Variants in DIDO1 observed in about 807,000 individuals in gnomAD.
DIDO1 encodes the protein death-inducer obliterator 1.
Under a neutral mutation model 99.4 loss-of-function variants are expected in DIDO1, and 16 were observed. The ratio of observed to expected loss-of-function variants is 0.16; its 90% CI spans 0.11 to 0.24. DIDO1 has a LOEUF of 0.24. DIDO1 is among the 10% of genes least tolerant of loss of function. The pLI is 1.00. For synonymous variants in DIDO1, 1,366 were observed against 1,239.1 expected, an observed-to-expected ratio of 1.10 and a Z score of -2.15; for missense variants, 2,996 against 3,014.0, an observed-to-expected ratio of 0.99 and a Z score of 0.14.
intron 1 of DIDO1, among the ~76,000 whole-genome samples, chr20:62,931,508 T>C (rs1334419523): frequency 6.6e-6 from 1 of 152,240 alleles, no homozygotes; most frequent in Non-Finnish European, 1.5e-5. Flanking sequence ...GGACAGATTC[T>C]GACAGAATAA....
At chr20:62,893,058 A>C in intron 12 of DIDO1, 96 bp from the exon 13 acceptor site, 887 of 1,322,364 alleles carry the variant, frequency 6.7e-4, no homozygotes, top group Non-Finnish European at 8.1e-4. Flanking sequence ...ACAGGATCTC[A>C]TTCTGTCATG....
At chr20:62,907,937 A>G (rs890134386) in intron 4 of DIDO1, among the ~76,000 whole-genome samples, 2 of 152,172 alleles carry the variant, frequency 1.3e-5, no homozygotes, top group Non-Finnish European at 2.9e-5. Context: ...ATAAACAATG[A>G]GTAATTTTTC....
chr20:62,893,210 G>A (rs2064436772), intron 12 of DIDO1, among the ~76,000 whole-genome samples: 1 of 152,140 alleles, frequency 6.6e-6, no homozygotes, highest in South Asian at 2.1e-4. Flanking sequence ...CTTTTTTGTA[G>A]AGATGGAGTT....
Position 62,882,354 on chromosome 20 carries a change from C to G in DIDO1, c.3602G>C (p.Arg1201Pro), listed in dbSNP as rs148435006. 1.9e-6 allele frequency: 3 copies of G among 1,613,790 alleles called. No individual in the cohort carries two copies. The African/African-American group carries it at 4.0e-5, about 22-fold the overall frequency. Residue 1201 changes from arginine to proline, a missense_variant, in exon 16 of 16, where the codon CGT (arginine) becomes CCT (proline). This residue lies in a region of DIDO1 where 135 missense variants were observed against 202.3 expected (regional missense o/e 0.67). Transcript: ENST00000395343. Reference sequence around the variant, plus strand: ...GTCTAACTCTCCACTGTTTGCGGGACGTTTGATTTTTTGGCAGATTACTAA... The same window carrying G: ...GTCTAACTCTCCACTGTTTGCGGGAGGTTTGATTTTTTGGCAGATTACTAA... ...LGLVICQKIK[R>P]PANSGELDKM...
At chr20:62,910,158 C>T in intron 3 of DIDO1, 138 bp from the exon 4 acceptor site, 1 of 995,562 alleles carries the variant, frequency 1.0e-6, no homozygotes, top group Admixed American at 2.9e-5. Flanking sequence ...CGTCCTCATG[C>T]CTTTCCTTTG....
chr20:62,906,149 CCTTCA>C (rs774046755), intron 5 of DIDO1, 49 bp from the exon 6 acceptor site: 27 of 1,570,250 alleles, frequency 1.7e-5, no homozygotes, highest in Admixed American at 3.6e-5. Flanking sequence ...AGAAATCATA[CCTTCA>C]CTTCATTTCA....
chr20:62,882,177 G>A lies in DIDO1; in HGVS notation c.3779C>T (p.Ser1260Leu). 1.2e-6 allele frequency: 2 copies of A among 1,613,278 alleles called. No homozygotes were observed. The highest frequency in any genetic ancestry group is 2.2e-5 in the South Asian group (2 of 91,084). ...TGGAAGAGGGGGCGGAGGCGGCGGCGACCCAGGAGGTGTGGTGCTGACAGC... is the reference window on the plus strand; with the variant it reads ...TGGAAGAGGGGGCGGAGGCGGCGGCAACCCAGGAGGTGTGGTGCTGACAGC... ...DAAVSTTPPG[S>L]PPPPPPLPEP... The change falls in exon 16 of 16, where the codon TCG becomes TTG. Residue 1260 changes from serine (S) to leucine (L), a missense_variant. By Grantham distance (145) the Ser-to-Leu change is moderately radical. Around this residue, in one of 5 missense-constraint regions of DIDO1, gnomAD observed 1,562 missense variants for 1,412.6 expected, o/e 1.11. Coordinates refer to ENST00000395343, the MANE Select transcript of DIDO1 (RefSeq NM_001193369.2).
intron 6 of DIDO1, among the ~76,000 whole-genome samples, chr20:62,897,411 G>A (rs866717755): frequency 2.6e-5 from 4 of 152,322 alleles, no homozygotes; most frequent in Non-Finnish European, 4.4e-5. Context: ...GAAAAAGACC[G>A]TTTAGAAGCG....
intron 6 of DIDO1, 39 bp from the exon 7 acceptor site, chr20:62,897,035 C>T (rs1218757055): frequency 6.5e-7 from 1 of 1,548,762 alleles, no homozygotes; most frequent in Non-Finnish European, 8.7e-7. Context: ...AGGGAGGACA[C>T]CACAGGGTGC....
intron 13 of DIDO1, 145 bp downstream of exon 13, chr20:62,892,664 C>T: frequency 8.5e-7 from 1 of 1,177,214 alleles, no homozygotes; most frequent in Non-Finnish European, 1.2e-6. Context: ...GCCGTTTCTG[C>T]ATCCAGACAG....
upstream of DIDO1, among the ~76,000 whole-genome samples, chr20:62,929,997 C>G (rs140699485): frequency 6.6e-6 from 1 of 151,808 alleles, no homozygotes. Flanking sequence ...TTAGGTAGGC[C>G]GAGGTGGGTG....
At chr20:62,889,036 C>T (rs1230598067) in intron 15 of DIDO1, 10 of 985,358 alleles carry the variant, frequency 1.0e-5, no homozygotes, top group Non-Finnish European at 1.2e-6. Flanking sequence ...TGTGTGTCCC[C>T]GTCAGGCGGC....
At position 62,881,600 on chromosome 20, in the gene DIDO1, C is replaced by T. The variant is rs1281265083; in HGVS notation, c.4356G>A (p.Val1452=). 7 of 1,612,074 alleles carry T rather than the reference C, an allele frequency of 4.3e-6. No individual in the cohort carries two copies. Among genetic ancestry groups the T allele is most frequent in the East Asian group, 2.2e-5 (1 of 44,892 alleles). The change falls in exon 16 of 16, where the codon GTG becomes GTA. Residue 1452 remains valine, a synonymous_variant. Coordinates refer to ENST00000395343, the MANE Select transcript of DIDO1 (RefSeq NM_001193369.2). The surrounding 1 kb of genome is among the most constrained non-coding windows in gnomAD (Gnocchi z 8.3). The stretch of plus-strand genomic sequence containing the variant: ...CAGGCCTCTCCACGGAGTTCCTTCT[C>T]ACGTCGGCACACATCCTGTTGGGCA... The part of the protein sequence containing the change: ...DDLPNRMCAD[V]RRNSVERPAE...
In DIDO1 at chr20:62,880,235, G is replaced by A. The variant is rs756571094; in HGVS notation, c.5721C>T (p.Pro1907=). ...TCTGACCTCCAAACTGAGAGGGAGG[G>A]GGGCCGCCTCGGGGGCCTTTCAGCT... ...LSQLKGPRGG[P]PPSQFGGQRG... Residue 1907 remains proline (P), a synonymous_variant, in exon 16 of 16, where the codon CCC becomes CCT. Coordinates refer to ENST00000395343, the MANE Select transcript of DIDO1 (RefSeq NM_001193369.2). The A allele has an allele frequency of 1.2e-6, 2 of 1,612,498 alleles. No homozygotes were observed. Among genetic ancestry groups the A allele is most frequent in the Non-Finnish European group, 1.7e-6 (2 of 1,179,886 alleles).
chr20:62,888,551 A>G (rs2064336750), intron 15 of DIDO1: 2 of 985,384 alleles, frequency 2.0e-6, no homozygotes, highest in Admixed American at 1.2e-4. Flanking sequence ...AGTCACCACC[A>G]TCAGCACCCT....
intron 15 of DIDO1, among the ~76,000 whole-genome samples, chr20:62,887,043 G>C (rs1245086822): frequency 1.3e-5 from 2 of 152,228 alleles, no homozygotes; most frequent in Admixed American, 6.5e-5. Context: ...GTGCCGAGAA[G>C]GGCCCCAGGG....
At position 62,896,063 on chromosome 20, in the gene DIDO1, G is replaced by A. The variant is rs2064513587; in HGVS notation, c.2214+170C>T. On this transcript the variant is annotated intron_variant, in intron 8 of 15. Coordinates refer to ENST00000395343, the MANE Select transcript of DIDO1 (RefSeq NM_001193369.2). This position sits in a 1 kb window ranked among gnomAD's most constrained non-coding sequence, Gnocchi z 4.4. ...GGCAGGGAAGGGAAGGGGTTTCCAGGACGCTCAACGCCAGTGCAACAATAC... is the reference window on the plus strand; with the variant it reads ...GGCAGGGAAGGGAAGGGGTTTCCAGAACGCTCAACGCCAGTGCAACAATAC... Among the ~76,000 whole-genome samples, 1 of 152,182 alleles carries A rather than the reference G, an allele frequency of 6.6e-6. No homozygotes were observed. The highest frequency in any genetic ancestry group is 1.5e-5 in the Non-Finnish European group (1 of 68,036).
intron 15 of DIDO1, among the ~76,000 whole-genome samples, chr20:62,882,787 G>A (rs1383615841): frequency 1.3e-5 from 2 of 152,168 alleles, no homozygotes; most frequent in Non-Finnish European, 2.9e-5. Flanking sequence ...GAGCAGTAGT[G>A]TGGAGGGGAG....
chr20:62,883,277 AATATT>A (rs1476057956), intron 15 of DIDO1, among the ~76,000 whole-genome samples: 2 of 152,186 alleles, frequency 1.3e-5, no homozygotes, highest in Non-Finnish European at 2.9e-5. Context: ...TAAATATACT[AATATT>A]AAATTATCAA....
Sources: gnomAD v4.1 joint callset for allele counts (sites outside exome capture counted in the v4.1 genomes callset) on GRCh38, gnomAD v4.1.1 for gene constraint, gnomAD v4.1.1 regional missense constraint, Gnocchi (gnomAD v3.1) non-coding constraint, MANE v1.5 for transcripts, NCBI Gene and HGNC (gene_info 2026-07-23, HGNC 2026-07-21) for gene names.